FGF14: variants seen among roughly 807,000 people sequenced by gnomAD.
FGF14 encodes fibroblast growth factor 14.
In FGF14, 5 loss-of-function variants were observed where a neutral mutation model predicts 25.5. That is an observed-to-expected ratio of 0.20 (90% CI 0.10 to 0.41). FGF14 has a LOEUF of 0.41. FGF14 is among the 10% of genes least tolerant of loss of function. The probability of loss-of-function intolerance (pLI) is 1.00; values close to 1 mark genes in which losing one functional copy is unlikely to be tolerated. For missense variants in FGF14, 222 were observed against 320.1 expected, an observed-to-expected ratio of 0.69 and a Z score of 2.34; for synonymous variants, 138 against 118.3, an observed-to-expected ratio of 1.17 and a Z score of -1.08.
chr13:102,274,004 G>A (rs1187483600), intron 1 of FGF14, among the ~76,000 whole-genome samples: 2 of 150,816 alleles, frequency 1.3e-5, no homozygotes, highest in African/African-American at 4.9e-5. Context: ...AAAAGAGAAA[G>A]GGAAGGAAGG....
intron 1 of FGF14, among the ~76,000 whole-genome samples, chr13:101,922,356 GACAA>G (rs1387555083): frequency 6.6e-6 from 1 of 152,126 alleles, no homozygotes; most frequent in Non-Finnish European, 1.5e-5. Flanking sequence ...AACCAAACAT[GACAA>G]ACAGTTTGAG....
intron 1 of FGF14, among the ~76,000 whole-genome samples, chr13:102,334,328 G>A (rs374448492): frequency 1.1e-3 from 168 of 152,218 alleles, no homozygotes; most frequent in African/African-American, 3.8e-3. Context: ...AAAAATGCAC[G>A]TTGCTTACAA....
intron 3 of FGF14, among the ~76,000 whole-genome samples, chr13:101,762,642 G>A (rs1032992373): frequency 2.6e-5 from 4 of 152,144 alleles, no homozygotes; most frequent in Admixed American, 6.5e-5. Context: ...CTGGCCCATC[G>A]GCATTGCTGC....
chr13:102,072,371 T>C (rs1481697559), intron 1 of FGF14, among the ~76,000 whole-genome samples: 1 of 152,000 alleles, frequency 6.6e-6, no homozygotes, highest in Non-Finnish European at 1.5e-5. Flanking sequence ...AAAGGATACA[T>C]AAATAAATAA....
chr13:101,951,580 C>A (rs1274439706), intron 1 of FGF14, among the ~76,000 whole-genome samples: 1 of 152,086 alleles, frequency 6.6e-6, no homozygotes, highest in East Asian at 1.9e-4. Flanking sequence ...TTCCTTGTTT[C>A]TTTAAAAGGG....
chr13:101,819,602 T>C (rs2042013289), intron 3 of FGF14, among the ~76,000 whole-genome samples: 1 of 152,220 alleles, frequency 6.6e-6, no homozygotes, highest in African/African-American at 2.4e-5. Context: ...TGAAATTGAA[T>C]CTTTCAAGTT....
intron 1 of FGF14, among the ~76,000 whole-genome samples, chr13:102,306,269 G>A (rs965199842): frequency 6.6e-6 from 1 of 152,142 alleles, no homozygotes; most frequent in Non-Finnish European, 1.5e-5. Context: ...TCTTCTACCA[G>A]GCACTGTATT....
chr13:102,320,569 T>C (rs1285981339), intron 1 of FGF14, among the ~76,000 whole-genome samples: 1 of 152,170 alleles, frequency 6.6e-6, no homozygotes, highest in African/African-American at 2.4e-5. Context: ...GAGACTTATT[T>C]TGTCATACAG....
At chr13:102,210,498 C>T (rs2050112131) in intron 1 of FGF14, among the ~76,000 whole-genome samples, 2 of 152,140 alleles carry the variant, frequency 1.3e-5, no homozygotes, top group South Asian at 4.2e-4. Flanking sequence ...AAATTTTAGG[C>T]TTCATTTAAA....
At chr13:102,000,408 T>G (rs1412301462) in intron 1 of FGF14, among the ~76,000 whole-genome samples, 1 of 152,180 alleles carries the variant, frequency 6.6e-6, no homozygotes, top group Admixed American at 6.5e-5. Flanking sequence ...GTACAAAAAG[T>G]AGGTACATTA....
chr13:102,158,857 G>A (rs1029058220), intron 1 of FGF14, among the ~76,000 whole-genome samples: 8 of 151,952 alleles, frequency 5.3e-5, no homozygotes, highest in East Asian at 1.9e-4. Context: ...AACAACATTC[G>A]GCCAGGTGCA....
chr13:101,854,901 T>A (rs1169442622), intron 3 of FGF14, among the ~76,000 whole-genome samples: 1 of 152,018 alleles, frequency 6.6e-6, no homozygotes, highest in African/African-American at 2.4e-5. Context: ...CCTCCACAAA[T>A]GAGTGTGCAG....
chr13:101,785,051 G>A (rs2039724889), intron 3 of FGF14, among the ~76,000 whole-genome samples: 1 of 152,080 alleles, frequency 6.6e-6, no homozygotes, highest in African/African-American at 2.4e-5. Flanking sequence ...AATGTGTTCA[G>A]GGTCTCACAT....
chr13:101,990,411 A>C (rs948136136), intron 1 of FGF14, among the ~76,000 whole-genome samples: 6 of 150,154 alleles, frequency 4.0e-5, no homozygotes, highest in African/African-American at 1.5e-4. Flanking sequence ...TAACAATTTT[A>C]AATACTTTAG....
At position 102,043,012 on chromosome 13, in the gene FGF14, C is replaced by T. The variant is rs74606385; in HGVS notation, c.209-167716G>A. ...AAAAAATACGAATTTACCAGACGGA[C>T]GAATGGATAAAGAGAAAAATATGAG... On this transcript the variant is annotated intron_variant, in intron 1 of 4. Coordinates refer to the FGF14 transcript ENST00000376131. Among the ~76,000 whole-genome samples the T allele has an allele frequency of 3.4e-3, 518 of 152,102 alleles. 2 individuals carry two copies. The highest frequency in any genetic ancestry group is 0.011 in the African/African-American group (473 of 41,498).
chr13:102,383,913 A>T (rs1341879082), intron 1 of FGF14, among the ~76,000 whole-genome samples: 1 of 152,188 alleles, frequency 6.6e-6, no homozygotes, highest in Non-Finnish European at 1.5e-5. Flanking sequence ...GTTACAAAAA[A>T]TTTTAATATC....
chr13:102,111,296 A>G lies in FGF14; in HGVS notation c.209-236000T>C, dbSNP rs1014907970. 2.0e-4 allele frequency among the ~76,000 whole-genome samples: 30 copies of G among 152,338 alleles called. 1 individual carries two copies. Among genetic ancestry groups the G allele is most frequent in the African/African-American group, 7.0e-4 (29 of 41,582 alleles). ...AGCTCACCAAAGCAAGAACTCTTTT[A>G]TATCTCTTGACAGCCTCAAAACTTA... On this transcript the variant is annotated intron_variant, in intron 1 of 4. Transcript: ENST00000376131.
intron 3 of FGF14, among the ~76,000 whole-genome samples, chr13:101,836,649 C>A (rs979719796): frequency 6.6e-6 from 1 of 151,948 alleles, no homozygotes. Context: ...TATTCATATA[C>A]CTTATTAGTT....
intron 3 of FGF14, among the ~76,000 whole-genome samples, chr13:101,750,518 T>C (rs536615477): frequency 1.3e-5 from 2 of 152,308 alleles, no homozygotes; most frequent in African/African-American, 4.8e-5. Context: ...ATCCATCTTC[T>C]TTTCTGCTGG....
Sources: allele counts gnomAD v4.1 joint callset (sites outside exome capture counted in the v4.1 genomes callset), GRCh38; gene constraint gnomAD v4.1.1; transcripts MANE v1.5; gene names NCBI Gene and HGNC (gene_info 2026-07-23, HGNC 2026-07-21).